The following FBN1 variants were observed in gnomAD, a reference collection of about 807,000 sequenced individuals.
FBN1 encodes the protein fibrillin-1.
FBN1 carries 29 observed loss-of-function variants against 365.1 expected under a neutral mutation model. The ratio of observed to expected loss-of-function variants is 0.08; its 90% confidence interval spans 0.06 to 0.11. The LOEUF (loss-of-function observed/expected upper bound fraction) is 0.11. Among genes scored for constraint, FBN1 ranks in the 10% least tolerant of loss-of-function variants. The probability of loss-of-function intolerance (pLI) is 1.00; values close to 1 mark genes in which losing one functional copy is unlikely to be tolerated. For synonymous variants in FBN1, 1,210 were observed against 1,270.5 expected, an observed-to-expected ratio of 0.95 and a Z score of 1.01; for missense variants, 2,476 against 3,703.2, an observed-to-expected ratio of 0.67 and a Z score of 8.60.
intron 6 of FBN1, among the ~76,000 whole-genome samples, chr15:48,593,243 A>G (rs760169072): frequency 2.6e-5 from 4 of 152,224 alleles, no homozygotes; most frequent in Non-Finnish European, 4.4e-5. Flanking sequence ...TTTCACACTC[A>G]TAGTGGGTCT....
chr15:48,480,871 A>G (rs1430819885), intron 32 of FBN1, among the ~76,000 whole-genome samples: 3 of 152,184 alleles, frequency 2.0e-5, no homozygotes, highest in Non-Finnish European at 4.4e-5. Context: ...GTTATATGCC[A>G]TAATCTGTCA....
chr15:48,522,653 A>G (rs1257089236), intron 9 of FBN1, among the ~76,000 whole-genome samples: 1 of 152,204 alleles, frequency 6.6e-6, no homozygotes, highest in Non-Finnish European at 1.5e-5. Flanking sequence ...CAAAGCCCTC[A>G]TGTCTTGAGG....
intron 38 of FBN1, 81 bp downstream of exon 38, chr15:48,467,857 G>T: frequency 8.0e-7 from 1 of 1,253,656 alleles, no homozygotes; most frequent in Non-Finnish European, 1.2e-6. Context: ...TGATCTAAGA[G>T]TAGAAAAGGT....
intron 53 of FBN1, 136 bp from the exon 54 acceptor site, chr15:48,434,849 G>T: frequency 9.7e-7 from 1 of 1,035,424 alleles, no homozygotes; most frequent in Non-Finnish European, 1.4e-6. Flanking sequence ...CCAGACTGCA[G>T]TGCTGTGGCG....
intron 1 of FBN1, 28 bp from the exon 2 acceptor site, chr15:48,644,978 C>T (rs1307702459): frequency 5.3e-6 from 2 of 380,084 alleles, no homozygotes; most frequent in East Asian, 4.8e-5. Flanking sequence ...ATCCCCGAGG[C>T]GGGGAGACTT....
chr15:48,488,065 T>G (rs2043523896), intron 27 of FBN1, 48 bp downstream of exon 27: 1 of 1,613,458 alleles, frequency 6.2e-7, no homozygotes, highest in African/African-American at 1.3e-5. Context: ...CATCAAAGCT[T>G]CATGGAATCC....
intron 45 of FBN1, among the ~76,000 whole-genome samples, chr15:48,449,167 C>G (rs2043181341): frequency 6.6e-6 from 1 of 152,088 alleles, no homozygotes; most frequent in Admixed American, 6.6e-5. Flanking sequence ...TGGGGGGATT[C>G]AAGCCGGGAG....
Position 48,598,792 on chromosome 15 carries a change from G to A in FBN1, c.442+1347C>T, listed in dbSNP as rs771971742. 3.2e-4 allele frequency among the ~76,000 whole-genome samples: 48 copies of A among 152,180 alleles called. 1 individual carries two copies. Among genetic ancestry groups the A allele is most frequent in the Admixed American group, 1.6e-3 (25 of 15,276 alleles). On this transcript the variant is annotated intron_variant, in intron 5 of 65. Coordinates refer to ENST00000316623, the MANE Select transcript of FBN1 (RefSeq NM_000138.5). ...CAACCAATATTCTTCTCCCACTGCA[G>A]TGTGTGGATGGTGATACAGTTTGGC...
chr15:48,564,979 A>C (rs1597607926), intron 6 of FBN1, among the ~76,000 whole-genome samples: 2 of 152,376 alleles, frequency 1.3e-5, no homozygotes, highest in African/African-American at 4.8e-5. Context: ...TATTAGACCA[A>C]GTGCCTTACA....
At chr15:48,513,433 C>G (rs1006911898) in intron 13 of FBN1, 116 bp downstream of exon 13, 1 of 1,447,370 alleles carries the variant, frequency 6.9e-7, no homozygotes, top group African/African-American at 1.4e-5. Flanking sequence ...AAAAAAGCCA[C>G]GGGACTGTAT....
chr15:48,627,781 C>T (rs759980034), intron 2 of FBN1, among the ~76,000 whole-genome samples: 4 of 152,224 alleles, frequency 2.6e-5, no homozygotes, highest in Non-Finnish European at 5.9e-5. Context: ...AGATTTCCCT[C>T]TCAGTGTGAG....
intron 6 of FBN1, among the ~76,000 whole-genome samples, chr15:48,579,394 G>A (rs1025060236): frequency 1.3e-5 from 2 of 152,186 alleles, no homozygotes; most frequent in African/African-American, 4.8e-5. Context: ...TTTTAATAAT[G>A]GCCATTATTT....
chr15:48,470,499 T>C, intron 36 of FBN1, 135 bp downstream of exon 36: 1 of 1,178,428 alleles, frequency 8.5e-7, no homozygotes. Context: ...TGAGAAAAGG[T>C]ATCTGTGATT....
chr15:48,438,890 C>G (rs12593184), intron 50 of FBN1, among the ~76,000 whole-genome samples: 3,317 of 152,250 alleles, frequency 0.022, 67 homozygotes, highest in East Asian at 0.083. Flanking sequence ...TTAAAGCCTT[C>G]CAAAACTCCT....
At chr15:48,522,105 C>A (rs540284103) in intron 9 of FBN1, among the ~76,000 whole-genome samples, 5 of 152,282 alleles carry the variant, frequency 3.3e-5, no homozygotes, top group African/African-American at 1.2e-4. Context: ...TGTGTGTTCC[C>A]AATGAGAATC....
intron 8 of FBN1, among the ~76,000 whole-genome samples, chr15:48,532,359 G>A (rs2043979706): frequency 1.3e-5 from 2 of 151,936 alleles, no homozygotes; most frequent in African/African-American, 2.4e-5. Context: ...ACAACCTATC[G>A]TTGATGTAGG....
chr15:48,614,881 C>T (rs1352850161), intron 2 of FBN1, among the ~76,000 whole-genome samples: 3 of 152,132 alleles, frequency 2.0e-5, no homozygotes, highest in Non-Finnish European at 4.4e-5. Context: ...GTTACTCAGC[C>T]AGTGGAAACA....
In FBN1 at chr15:48,503,856, C is replaced by T; in HGVS notation, c.2044G>A (p.Glu682Lys). 2 of 1,614,226 alleles carry T rather than the reference C, an allele frequency of 1.2e-6. No homozygotes were observed. The highest frequency in any genetic ancestry group is 1.7e-6 in the Non-Finnish European group (2 of 1,180,044). The change falls in exon 17 of 66, where the codon GAA (glutamate) becomes AAA (lysine). Residue 682 changes from glutamate (E) to lysine (K), a missense_variant. This residue lies in a region of FBN1 where 1,780 missense variants were observed against 2,840.8 expected (regional missense o/e 0.63). Coordinates refer to ENST00000316623, the MANE Select transcript of FBN1 (RefSeq NM_000138.5). ...TACTCAGTGCTGGCGCAACAGCATTCAGATTTAGTGACAGCACCAAACAAA... is the reference window on the plus strand; with the variant it reads ...TACTCAGTGCTGGCGCAACAGCATTTAGATTTAGTGACAGCACCAAACAAA... ...KPLFGAVTKSECCCASTEYAF... is the reference protein window; with the variant it reads ...KPLFGAVTKSKCCCASTEYAF...
At chr15:48,453,110 G>T (rs369688110) in intron 44 of FBN1, among the ~76,000 whole-genome samples, 1 of 152,010 alleles carries the variant, frequency 6.6e-6, no homozygotes, top group Non-Finnish European at 1.5e-5. Context: ...TACAAAGTTA[G>T]CTGGGCATGG....
Sources: gnomAD v4.1 joint callset for allele counts (sites outside exome capture counted in the v4.1 genomes callset) on GRCh38, gnomAD v4.1.1 for gene constraint, gnomAD v4.1.1 regional missense constraint, MANE v1.5 for transcripts, NCBI Gene and HGNC (gene_info 2026-07-23, HGNC 2026-07-21) for gene names.